Variants in GABRA3 observed in about 807,000 individuals in gnomAD.
The protein encoded by GABRA3 is gamma-aminobutyric acid receptor subunit alpha-3.
Under a neutral mutation model 30.1 loss-of-function variants are expected in GABRA3, and 10 were observed. That is an observed-to-expected ratio of 0.33 (90% confidence interval 0.20 to 0.56). The LOEUF (loss-of-function observed/expected upper bound fraction) is 0.56, where lower values mean the gene tolerates loss of function less well. Among genes scored for constraint, GABRA3 ranks in the 20% least tolerant of loss-of-function variants. The probability of loss-of-function intolerance (pLI) is 0.89; values close to 1 mark genes in which losing one functional copy is unlikely to be tolerated. For synonymous variants in GABRA3, 151 were observed against 146.8 expected, an observed-to-expected ratio of 1.03 and a Z score of -0.21; for missense variants, 233 against 392.0, an observed-to-expected ratio of 0.59 and a Z score of 3.42.
In GABRA3 at chrX:152,234,520, G is replaced by C. The variant is rs1174946396; in HGVS notation, c.552-9675C>G. Among the ~76,000 whole-genome samples, 4 of 110,991 alleles carry C rather than the reference G, an allele frequency of 3.6e-5. 1 individual carries two copies. In the Admixed American group the frequency reaches 3.8e-4, roughly 11 times the overall value. On this transcript the variant is annotated intron_variant, in intron 5 of 9. Coordinates refer to ENST00000370314, the MANE Select transcript of GABRA3 (RefSeq NM_000808.4). ...TCTTGTTCTCATTGCACTTCCTTTT[G>C]AGATCCTAGTCATAAATTCTTTGCC...
intron 4 of GABRA3, among the ~76,000 whole-genome samples, chrX:152,265,614 C>T (rs1303415042): frequency 9.0e-6 from 1 of 110,926 alleles, no homozygotes; most frequent in Non-Finnish European, 1.9e-5. Context: ...GCAAACCAAG[C>T]CCAACATTAG....
intron 7 of GABRA3, among the ~76,000 whole-genome samples, chrX:152,200,267 G>A (rs959863247): frequency 1.8e-5 from 2 of 111,325 alleles, no homozygotes; most frequent in Non-Finnish European, 3.8e-5. Flanking sequence ...GTTTTGGCAG[G>A]ATTCCCAAGT....
chrX:152,283,735 A>C (rs1352507914), intron 4 of GABRA3, among the ~76,000 whole-genome samples: 1 of 112,194 alleles, frequency 8.9e-6, no homozygotes, highest in Non-Finnish European at 1.9e-5. Context: ...AGGCGGAAAG[A>C]AGCTTTGTCC....
intron 3 of GABRA3, among the ~76,000 whole-genome samples, chrX:152,324,222 T>C (rs763420418): frequency 1.8e-5 from 2 of 112,269 alleles, no homozygotes; most frequent in Non-Finnish European, 3.8e-5. Context: ...CTTGGGAAGA[T>C]AGGCTTAATT....
chrX:152,298,595 G>T (rs1306310448), intron 3 of GABRA3, among the ~76,000 whole-genome samples: 1 of 110,777 alleles, frequency 9.0e-6, no homozygotes, highest in Non-Finnish European at 1.9e-5. Flanking sequence ...TGGTGTATAT[G>T]TGCCACATTT....
rs1314187857 is a variant in GABRA3, at chrX:152,444,567, C to T, written c.-27+6579G>A. 2.7e-5 allele frequency among the ~76,000 whole-genome samples: 3 copies of T among 110,324 alleles called. No homozygotes were observed. The East Asian group carries it at 8.6e-4, about 32-fold the overall frequency. Reference sequence around the variant, plus strand: ...AACCATTCACACTGAAAACAGATGACCATATGTACTGGGTGATAAGACTGC... The same window carrying T: ...AACCATTCACACTGAAAACAGATGATCATATGTACTGGGTGATAAGACTGC... On this transcript the variant is annotated intron_variant, in intron 1 of 9. Transcript: ENST00000370314.
intron 3 of GABRA3, among the ~76,000 whole-genome samples, chrX:152,288,986 G>T (rs948363455): frequency 9.1e-6 from 1 of 109,531 alleles, no homozygotes; most frequent in Non-Finnish European, 1.9e-5. Context: ...CAAGTGGTCT[G>T]CACATATATG....
intron 4 of GABRA3, among the ~76,000 whole-genome samples, chrX:152,281,032 G>A (rs773375474): frequency 2.7e-5 from 3 of 110,999 alleles, no homozygotes; most frequent in Non-Finnish European, 5.7e-5. Context: ...AGAAGGTGGA[G>A]CAGTGCCTGG....
intron 1 of GABRA3, among the ~76,000 whole-genome samples, chrX:152,432,436 T>A (rs1313802215): frequency 1.8e-5 from 2 of 111,705 alleles, no homozygotes; most frequent in Admixed American, 1.9e-4. Context: ...AATCATATGC[T>A]TTCAACAAAA....
intron 3 of GABRA3, among the ~76,000 whole-genome samples, chrX:152,338,290 T>C (rs1367231945): frequency 8.9e-6 from 1 of 112,385 alleles, no homozygotes; most frequent in Admixed American, 9.4e-5. Flanking sequence ...TTAATGATTT[T>C]GAGCATTTTT....
chrX:152,322,765 C>A (rs1939985832), intron 3 of GABRA3, among the ~76,000 whole-genome samples: 1 of 106,332 alleles, frequency 9.4e-6, no homozygotes, highest in Non-Finnish European at 1.9e-5. Context: ...AACTCCTGAC[C>A]TCAGGTGATC....
At chrX:152,275,963 G>T (rs184849745) in intron 4 of GABRA3, among the ~76,000 whole-genome samples, 5 of 109,816 alleles carry the variant, frequency 4.6e-5, no homozygotes, top group Admixed American at 3.0e-4. Context: ...TGTAAAATCC[G>T]ATTTTTTTAA....
At chrX:152,301,397 T>TGG (rs754288308) in intron 3 of GABRA3, among the ~76,000 whole-genome samples, 30 of 112,199 alleles carry the variant, frequency 2.7e-4, no homozygotes, top group Non-Finnish European at 4.7e-4. Context: ...AATAATGTCA[T>TGG]GGGGAAATTA....
intron 1 of GABRA3, among the ~76,000 whole-genome samples, chrX:152,403,898 A>G (rs1929860649): frequency 9.0e-6 from 1 of 111,572 alleles, no homozygotes; most frequent in Non-Finnish European, 1.9e-5. Flanking sequence ...AGAAAGCAGA[A>G]GAGCCAAGAA....
chrX:152,236,654 CTGT>C (rs997303568), intron 5 of GABRA3, among the ~76,000 whole-genome samples: 24 of 107,902 alleles, frequency 2.2e-4, no homozygotes, highest in Non-Finnish European at 3.5e-4. Context: ...TGTCCAGCAC[CTGT>C]TGTTTCCTGA....
chrX:152,309,187 G>C (rs188707856), intron 3 of GABRA3, among the ~76,000 whole-genome samples: 220 of 111,838 alleles, frequency 2.0e-3, no homozygotes, highest in African/African-American at 6.7e-3. Flanking sequence ...AAGAGAGGGA[G>C]AGAGAACAAT....
At chrX:152,239,524 G>C (rs1603222307) in intron 5 of GABRA3, among the ~76,000 whole-genome samples, 1 of 92,247 alleles carries the variant, frequency 1.1e-5, no homozygotes, top group East Asian at 3.8e-4. Context: ...TTGGTGCAGA[G>C]CTGAGTTCAA....
At chrX:152,372,200 T>C (rs1024671909) in intron 1 of GABRA3, among the ~76,000 whole-genome samples, 14 of 111,487 alleles carry the variant, frequency 1.3e-4, no homozygotes, top group African/African-American at 4.2e-4. Flanking sequence ...ACCCACTCTC[T>C]TCTCAAACTT....
intron 2 of GABRA3, among the ~76,000 whole-genome samples, chrX:152,346,967 T>A (rs1020116666): frequency 1.8e-4 from 20 of 111,936 alleles, no homozygotes; most frequent in African/African-American, 6.5e-4. Flanking sequence ...AGCTACCATA[T>A]GATCCAGCAA....
Sources: allele counts gnomAD v4.1 joint callset (sites outside exome capture counted in the v4.1 genomes callset), GRCh38; gene constraint gnomAD v4.1.1; transcripts MANE v1.5; gene names NCBI Gene and HGNC (gene_info 2026-07-23, HGNC 2026-07-21).